DIPK2B: variants seen among roughly 807,000 people sequenced by gnomAD.
DIPK2B encodes the protein divergent protein kinase domain 2B, also known as UPF0672 protein CXorf36.
Under a neutral mutation model 22.2 loss-of-function variants are expected in DIPK2B, and 15 were observed. The observed-to-expected ratio is 0.68, with a 90% CI of 0.45 to 1.04. The LOEUF (loss-of-function observed/expected upper bound fraction) is 1.04. DIPK2B is among the 50% of genes least tolerant of loss of function. DIPK2B has a pLI of 0.00. For missense variants in DIPK2B, 345 were observed against 348.3 expected (o/e 0.99, Z 0.08); for synonymous variants, 163 against 153.2 (o/e 1.06, Z -0.47).
intron 2 of DIPK2B, among the ~76,000 whole-genome samples, chrX:45,167,395 G>A (rs1411532866): frequency 9.3e-6 from 1 of 108,017 alleles, no homozygotes; most frequent in African/African-American, 3.4e-5. Context: ...GGGAGGCTGA[G>A]GTGAGAGGAT....
At chrX:45,153,534 GGAGA>G (rs768301119) in intron 4 of DIPK2B, among the ~76,000 whole-genome samples, 2 of 103,107 alleles carry the variant, frequency 1.9e-5, no homozygotes, top group Non-Finnish European at 4.0e-5. Flanking sequence ...CAGAGAGAGA[GGAGA>G]GAGAGAGAGA....
chrX:45,154,326 T>C, intron 3 of DIPK2B, 128 bp from the exon 4 acceptor site: 1 of 588,488 alleles, frequency 1.7e-6, no homozygotes. Flanking sequence ...TATCTGTCTA[T>C]CTATATCAAT....
chrX:45,157,637 A>C, intron 3 of DIPK2B, 78 bp downstream of exon 3: 1 of 1,006,985 alleles, frequency 9.9e-7, no homozygotes, highest in Non-Finnish European at 1.3e-6. Flanking sequence ...AAAAGGAGGG[A>C]GAGAGCTCAA....
Position 45,191,920 on chromosome X carries a change from G to C in DIPK2B, c.329C>G (p.Pro110Arg). The C allele has an allele frequency of 8.3e-7, 1 of 1,212,042 alleles. No individual in the cohort carries two copies. Among genetic ancestry groups the C allele is most frequent in the Non-Finnish European group, 1.1e-6 (1 of 895,560 alleles). ...NYSDDSKIWR[P>R]VEIFRLVSKY... Reference sequence around the variant, plus strand: ...GCTGACCAGTCTAAAGATCTCCACAGGGCGCCAGATTTTGGAATCATCTGA... The same window carrying C: ...GCTGACCAGTCTAAAGATCTCCACACGGCGCCAGATTTTGGAATCATCTGA... The change falls in exon 2 of 5, where the codon CCT becomes CGT. Residue 110 changes from proline to arginine, a missense_variant. Transcript: ENST00000398000.
intron 3 of DIPK2B, among the ~76,000 whole-genome samples, chrX:45,155,027 C>T (rs1483442663): frequency 7.1e-5 from 8 of 112,465 alleles, no homozygotes; most frequent in African/African-American, 2.3e-4. Flanking sequence ...GTGGCTCACG[C>T]CTGTAATCCC....
intron 2 of DIPK2B, among the ~76,000 whole-genome samples, chrX:45,161,984 C>T (rs1365269659): frequency 1.8e-5 from 2 of 111,986 alleles, no homozygotes; most frequent in East Asian, 5.6e-4. Context: ...GATGCAAAAA[C>T]ATTAAGCCTA....
intron 2 of DIPK2B, among the ~76,000 whole-genome samples, chrX:45,178,520 T>C: frequency 9.0e-6 from 1 of 111,723 alleles, no homozygotes; most frequent in Admixed American, 9.5e-5. Context: ...ATTATCCTTG[T>C]GAGAAAGGAT....
chrX:45,159,040 G>A (rs1444339754), intron 2 of DIPK2B, among the ~76,000 whole-genome samples: 2 of 111,018 alleles, frequency 1.8e-5, no homozygotes, highest in Non-Finnish European at 3.8e-5. Flanking sequence ...CCCAGGTGGA[G>A]GCCATAGAAA....
intron 1 of DIPK2B, among the ~76,000 whole-genome samples, chrX:45,199,955 C>T (rs766717271): frequency 7.9e-4 from 89 of 112,324 alleles, no homozygotes; most frequent in Middle Eastern, 4.6e-3. Context: ...CAATCTCTCA[C>T]AACAGAAAGC....
intron 2 of DIPK2B, among the ~76,000 whole-genome samples, chrX:45,169,103 G>C (rs1323891891): frequency 9.0e-6 from 1 of 111,657 alleles, no homozygotes; most frequent in Non-Finnish European, 1.9e-5. Context: ...ATTTTTGAGA[G>C]TGAATGGGGC....
intron 3 of DIPK2B, among the ~76,000 whole-genome samples, chrX:45,156,426 CGCCTCTCAAGAGCCAG>C (rs1340927392): frequency 6.2e-5 from 7 of 112,300 alleles, no homozygotes; most frequent in African/African-American, 2.3e-4. Flanking sequence ...TCTCATCCCA[CGCCTCTCAAGAGCCAG>C]GCCTAAAAGT....
At chrX:45,189,810 G>C (rs2047202016) in intron 2 of DIPK2B, among the ~76,000 whole-genome samples, 1 of 111,651 alleles carries the variant, frequency 9.0e-6, no homozygotes, top group African/African-American at 3.3e-5. Flanking sequence ...ATGGCTAGGA[G>C]AATGGGTTGG....
chrX:45,178,561 T>A lies in DIPK2B; in HGVS notation c.498+13190A>T, dbSNP rs752612013. Among the ~76,000 whole-genome samples the A allele has an allele frequency of 6.3e-4, 71 of 111,829 alleles. 1 individual carries two copies. The Middle Eastern group carries it at 0.014, about 22-fold the overall frequency. ...CGAGGTAAGCCCCATATTCACACTA[T>A]CTTTTTCCCTGAGAGCATTTTCCAA... On this transcript the variant is annotated intron_variant, in intron 2 of 4. Coordinates refer to ENST00000398000, the MANE Select transcript of DIPK2B (RefSeq NM_176819.4).
At chrX:45,166,697 C>T (rs2047050567) in intron 2 of DIPK2B, among the ~76,000 whole-genome samples, 1 of 111,632 alleles carries the variant, frequency 9.0e-6, no homozygotes, top group Non-Finnish European at 1.9e-5. Context: ...CACTACTGAA[C>T]ATATTCGAAT....
chrX:45,160,877 C>T (rs182425129), intron 2 of DIPK2B, among the ~76,000 whole-genome samples: 2 of 112,220 alleles, frequency 1.8e-5, no homozygotes, highest in East Asian at 5.6e-4. Flanking sequence ...ACAATAGATT[C>T]AGAGGAGTGT....
intron 2 of DIPK2B, chrX:45,164,016 T>C: frequency 1.0e-6 from 1 of 992,429 alleles, no homozygotes; most frequent in Non-Finnish European, 1.3e-6. Flanking sequence ...AGCCTGTTGC[T>C]GGTGGGCCTG....
chrX:45,191,487 G>A, intron 2 of DIPK2B: 1 of 355,620 alleles, frequency 2.8e-6, no homozygotes. Flanking sequence ...TCAGGCCAGA[G>A]GTCGCAGCTA....
At position 45,156,836 on chromosome X, in the gene DIPK2B, T is replaced by C. The variant is rs138178524; in HGVS notation, c.672+879A>G. On this transcript the variant is annotated intron_variant, in intron 3 of 4. Coordinates refer to ENST00000398000, the MANE Select transcript of DIPK2B (RefSeq NM_176819.4). ...AATCATCATGCCTTTGGCCGGTGTTTATTAACTGTCTTTGCTGTGGCTTCT... is the reference window on the plus strand; with the variant it reads ...AATCATCATGCCTTTGGCCGGTGTTCATTAACTGTCTTTGCTGTGGCTTCT... 4.4e-3 allele frequency among the ~76,000 whole-genome samples: 486 copies of C among 111,573 alleles called. 4 individuals carry two copies. Among genetic ancestry groups the C allele is most frequent in the African/African-American group, 0.015 (455 of 30,714 alleles).
At chrX:45,196,125 G>A in intron 1 of DIPK2B, among the ~76,000 whole-genome samples, 1 of 112,615 alleles carries the variant, frequency 8.9e-6, no homozygotes, top group East Asian at 2.8e-4. Flanking sequence ...GTTCAGCAGA[G>A]TACCAAGTTA....
Sources: allele counts gnomAD v4.1 joint callset (sites outside exome capture counted in the v4.1 genomes callset), GRCh38; gene constraint gnomAD v4.1.1; transcripts MANE v1.5; gene names NCBI Gene and HGNC (gene_info 2026-07-23, HGNC 2026-07-21).